The following NEK10 variants were observed in gnomAD, a reference collection of about 807,000 sequenced individuals.
The protein encoded by NEK10 is NIMA related kinase 10, also known as serine/threonine-protein kinase Nek10.
NEK10 carries 122 observed loss-of-function variants against 159.8 expected under a neutral mutation model. The observed-to-expected ratio is 0.76, with a 90% CI of 0.66 to 0.89. The LOEUF is 0.89. Among genes scored for constraint, NEK10 ranks in the 40% least tolerant of loss-of-function variants. The pLI is 0.00. For synonymous variants in NEK10, 466 were observed against 457.1 expected (o/e 1.02, Z -0.25); for missense variants, 1,342 against 1,323.1 (o/e 1.01, Z -0.22).
In NEK10 at chr3:27,297,126, G is replaced by A. The variant is rs904532289; in HGVS notation, c.1230+53C>T. On this transcript the variant is annotated intron_variant, in intron 14 of 35. Transcript: ENST00000691995. ...TGGGATACAGACTGCACCACAAGGT[G>A]AGTTGATTATGAATGGTTATGGAGA... 36 of 1,136,686 alleles carry A rather than the reference G, an allele frequency of 3.2e-5. No homozygotes were observed. The Admixed American group carries it at 5.8e-4, about 18-fold the overall frequency. 70.4% of individuals were successfully genotyped at this position (1,136,686 alleles called of 1,614,324 possible).
intron 30 of NEK10, chr3:27,143,383 G>A (rs1943972442): frequency 4.4e-6 from 3 of 682,006 alleles, no homozygotes; most frequent in East Asian, 5.2e-5. Context: ...TCACAACATG[G>A]CAAAGAGTTC....
intron 1 of NEK10, among the ~76,000 whole-genome samples, chr3:27,362,571 G>A (rs962721216): frequency 1.3e-5 from 2 of 151,174 alleles, no homozygotes; most frequent in African/African-American, 4.9e-5. Context: ...AAACATATTA[G>A]GTGGGCGCAA....
chr3:27,229,472 AC>A (rs1952997566), intron 23 of NEK10, among the ~76,000 whole-genome samples: 1 of 152,120 alleles, frequency 6.6e-6, no homozygotes, highest in Admixed American at 6.5e-5. Flanking sequence ...GTTCTATAAC[AC>A]CCCCAAAAGA....
chr3:27,195,249 T>C (rs1401040284), intron 25 of NEK10, among the ~76,000 whole-genome samples: 2 of 152,258 alleles, frequency 1.3e-5, no homozygotes, highest in Non-Finnish European at 2.9e-5. Flanking sequence ...GTGAGCCTGA[T>C]CTTTTGCTGA....
intron 32 of NEK10, among the ~76,000 whole-genome samples, chr3:27,129,328 G>A (rs1228741404): frequency 3.3e-5 from 5 of 152,148 alleles, no homozygotes; most frequent in Admixed American, 2.6e-4. Context: ...CACAGGGCCC[G>A]TGGGTTTTAG....
At chr3:27,206,491 T>G in intron 23 of NEK10, 2 of 690,882 alleles carry the variant, frequency 2.9e-6, no homozygotes, top group Non-Finnish European at 3.6e-6. Flanking sequence ...AAATGGTTCC[T>G]TCCTCCCTCT....
chr3:27,324,011 G>GAGCA (rs2045838912), intron 5 of NEK10, among the ~76,000 whole-genome samples: 2 of 152,274 alleles, frequency 1.3e-5, no homozygotes, highest in African/African-American at 4.8e-5. Context: ...AAACCTAAGG[G>GAGCA]AGCATATCAG....
At chr3:27,170,264 A>C (rs1005037689) in intron 29 of NEK10, among the ~76,000 whole-genome samples, 3 of 152,094 alleles carry the variant, frequency 2.0e-5, no homozygotes, top group Admixed American at 6.6e-5. Flanking sequence ...TGGCATCACC[A>C]CTTATATGTG....
chr3:27,198,668 T>C (rs933223969), intron 25 of NEK10, among the ~76,000 whole-genome samples: 8 of 152,114 alleles, frequency 5.3e-5, no homozygotes, highest in Non-Finnish European at 8.8e-5. Flanking sequence ...GATTAAAGAC[T>C]TAAATGTGAA....
chr3:27,192,539 T>C (rs1949208893), intron 25 of NEK10, among the ~76,000 whole-genome samples: 1 of 150,574 alleles, frequency 6.6e-6, no homozygotes, highest in Non-Finnish European at 1.5e-5. Context: ...GATGGGACCA[T>C]CTTCTCCTGC....
intron 24 of NEK10, 33 bp from the exon 25 acceptor site, chr3:27,201,613 A>T (rs1417104586): frequency 6.5e-7 from 1 of 1,538,042 alleles, no homozygotes; most frequent in Non-Finnish European, 9.0e-7. Flanking sequence ...TGATGGAAGT[A>T]AAGGGGCCAC....
At chr3:27,327,087 G>T (rs1025114075) in intron 5 of NEK10, among the ~76,000 whole-genome samples, 1 of 152,296 alleles carries the variant, frequency 6.6e-6, no homozygotes, top group Middle Eastern at 3.4e-3. Context: ...TTGTGGCCTG[G>T]AGGAGCTGAG....
chr3:27,133,828 T>C (rs1942892029), intron 31 of NEK10, among the ~76,000 whole-genome samples: 1 of 152,240 alleles, frequency 6.6e-6, no homozygotes, highest in Non-Finnish European at 1.5e-5. Flanking sequence ...ATACGTTAAT[T>C]AGCGAAGAAA....
intron 31 of NEK10, among the ~76,000 whole-genome samples, chr3:27,138,165 T>G (rs567902633): frequency 6.6e-6 from 1 of 152,166 alleles, no homozygotes; most frequent in South Asian, 2.1e-4. Context: ...TAACCCCCAG[T>G]CAAATCCAGT....
At chr3:27,306,503 A>T (rs1445853857) in intron 11 of NEK10, among the ~76,000 whole-genome samples, 1 of 152,140 alleles carries the variant, frequency 6.6e-6, no homozygotes, top group Non-Finnish European at 1.5e-5. Context: ...CAATGTGTGG[A>T]TATAAACAAA....
chr3:27,153,544 CAT>C (rs1945103253), intron 30 of NEK10, among the ~76,000 whole-genome samples: 1 of 152,030 alleles, frequency 6.6e-6, no homozygotes, highest in Non-Finnish European at 1.5e-5. Context: ...CAAGATAGAC[CAT>C]ATGATAGGCC....
chr3:27,235,519 A>G (rs1187549372), intron 23 of NEK10, among the ~76,000 whole-genome samples: 2 of 152,204 alleles, frequency 1.3e-5, no homozygotes, highest in Non-Finnish European at 2.9e-5. Flanking sequence ...AAAGCTCAAC[A>G]TTACTGATTA....
intron 1 of NEK10, among the ~76,000 whole-genome samples, chr3:27,359,094 C>CAGG (rs1369222969): frequency 2.6e-5 from 4 of 151,198 alleles, no homozygotes; most frequent in Admixed American, 1.3e-4. Flanking sequence ...CCCAGTTACT[C>CAGG]AGGAGGCTGA....
intron 30 of NEK10, among the ~76,000 whole-genome samples, chr3:27,159,618 T>C (rs1945817252): frequency 6.6e-6 from 1 of 152,172 alleles, no homozygotes; most frequent in Non-Finnish European, 1.5e-5. Flanking sequence ...CTAAGTTTTC[T>C]ATTGGCAGGG....
Sources: allele counts gnomAD v4.1 joint callset (sites outside exome capture counted in the v4.1 genomes callset), GRCh38; gene constraint gnomAD v4.1.1; transcripts MANE v1.5; gene names NCBI Gene and HGNC (gene_info 2026-07-23, HGNC 2026-07-21).